SLC20A2: variants seen among roughly 807,000 people sequenced by gnomAD.
SLC20A2 encodes the protein solute carrier family 20 member 2.
SLC20A2 carries 30 observed loss-of-function variants against 61.0 expected under a neutral mutation model. The ratio of observed to expected loss-of-function variants is 0.49; its 90% CI spans 0.37 to 0.67. The LOEUF (loss-of-function observed/expected upper bound fraction) is 0.67. Ranked by LOEUF, SLC20A2 falls within the 30% of genes least tolerant of loss-of-function variation. The pLI, the probability that SLC20A2 is intolerant of heterozygous loss-of-function variation, is 0.00. For synonymous variants in SLC20A2, 351 were observed against 353.3 expected (o/e 0.99, Z 0.07); for missense variants, 626 against 866.4 (o/e 0.72, Z 3.48).
intron 8 of SLC20A2, among the ~76,000 whole-genome samples, chr8:42,435,089 G>A (rs1804149859): frequency 6.6e-6 from 1 of 152,206 alleles, no homozygotes; most frequent in African/African-American, 2.4e-5. Flanking sequence ...GCTTGATGAG[G>A]AGGAGGAAGT....
chr8:42,446,730 C>T (rs906675127), intron 5 of SLC20A2, among the ~76,000 whole-genome samples: 3 of 152,074 alleles, frequency 2.0e-5, no homozygotes, highest in African/African-American at 7.2e-5. Flanking sequence ...ACAGTGGTTT[C>T]CAATTTCTTT....
chr8:42,422,218 A>G (rs1489361440), intron 10 of SLC20A2, among the ~76,000 whole-genome samples: 1 of 152,072 alleles, frequency 6.6e-6, no homozygotes, highest in East Asian at 1.9e-4. Context: ...ACACTTGCCT[A>G]ATTTTTATAT....
At chr8:42,541,045 ATATGAAAAGGGACTC>A (rs1451770833) in intron 1 of SLC20A2, 1 of 152,228 alleles carries the variant, frequency 6.6e-6, no homozygotes, top group African/African-American at 2.4e-5. Context: ...GTACACGTGA[ATATGAAAAGGGACTC>A]TATGCTCTCA....
chr8:42,503,837 T>C (rs1810469562), upstream of SLC20A2, among the ~76,000 whole-genome samples: 2 of 152,234 alleles, frequency 1.3e-5, no homozygotes, highest in South Asian at 4.1e-4. Context: ...TTTCTGGGCA[T>C]GTGCACACTT....
intron 2 of SLC20A2, 30 bp from the exon 3 acceptor site, chr8:42,465,947 A>G: frequency 6.2e-7 from 1 of 1,601,302 alleles, no homozygotes; most frequent in Non-Finnish European, 8.5e-7. Flanking sequence ...AAACCATCAG[A>G]TACAGAGTAC....
chr8:42,526,973 C>T (rs1161586562), intron 1 of SLC20A2, among the ~76,000 whole-genome samples: 1 of 151,604 alleles, frequency 6.6e-6, no homozygotes, highest in African/African-American at 2.4e-5. Context: ...TGCATGGTGG[C>T]GTGCGCCTAT....
rs1260389563 is a variant in SLC20A2 at position 42,521,640 on chromosome 8, C to T, written c.-265+20181G>A. Among the ~76,000 whole-genome samples, 4 of 120,338 alleles carry T rather than the reference C, an allele frequency of 3.3e-5. 1 individual carries two copies. Among genetic ancestry groups the T allele is most frequent in the African/African-American group, 1.0e-4 (4 of 39,312 alleles). 78.9% of individuals were successfully genotyped at this position (120,338 alleles called of 152,430 possible). Reference sequence around the variant, plus strand: ...GAGTAGCTGGGACTACAGATGCATGCCATCACACCTGGCTGATTTTTGTAC... The same window carrying T: ...GAGTAGCTGGGACTACAGATGCATGTCATCACACCTGGCTGATTTTTGTAC... On this transcript the variant is annotated intron_variant, in intron 1 of 10. Coordinates refer to the SLC20A2 transcript ENST00000342228.
chr8:42,443,374 G>A (rs1420964728), intron 6 of SLC20A2, among the ~76,000 whole-genome samples: 2 of 146,682 alleles, frequency 1.4e-5, no homozygotes, highest in Non-Finnish European at 3.0e-5. Context: ...GAGTGCAGTG[G>A]CACGATCTTG....
intron 5 of SLC20A2, among the ~76,000 whole-genome samples, chr8:42,449,782 C>T (rs1040780247): frequency 3.9e-5 from 6 of 152,228 alleles, no homozygotes; most frequent in Non-Finnish European, 5.9e-5. Flanking sequence ...CCCAGGGAGA[C>T]AGTAAGAACT....
chr8:42,516,123 A>G (rs1811309194), intron 1 of SLC20A2, among the ~76,000 whole-genome samples: 1 of 152,224 alleles, frequency 6.6e-6, no homozygotes, highest in Admixed American at 6.5e-5. Context: ...TCTCTAAAGT[A>G]ACCAAAATGA....
rs917579338 is a variant in SLC20A2 at position 42,499,141 on chromosome 8, G to A, written c.-265+1890C>T. On this transcript the variant is annotated intron_variant, in intron 1 of 10. Transcript: ENST00000520262. ...AGACGTGCGGTCACCTGCGGCGTGG[G>A]AACAGCAGGGCAAGGGCAGGCGGGC... Among the ~76,000 whole-genome samples the A allele has an allele frequency of 2.6e-5, 4 of 152,160 alleles. No individual in the cohort carries two copies. The South Asian group carries it at 8.3e-4, about 32-fold the overall frequency.
At chr8:42,456,990 C>G (rs986044078) in intron 5 of SLC20A2, among the ~76,000 whole-genome samples, 1 of 151,996 alleles carries the variant, frequency 6.6e-6, no homozygotes, top group African/African-American at 2.4e-5. Context: ...GTGGCGGGAT[C>G]TCGGCTCACT....
chr8:42,535,031 A>T (rs538595190), intron 1 of SLC20A2: 1 of 152,238 alleles, frequency 6.6e-6, no homozygotes, highest in Non-Finnish European at 1.5e-5. Flanking sequence ...CCTGTCACTC[A>T]TATTTTCAGA....
intron 10 of SLC20A2, among the ~76,000 whole-genome samples, chr8:42,426,350 A>G (rs1361197408): frequency 6.6e-6 from 1 of 152,230 alleles, no homozygotes; most frequent in Non-Finnish European, 1.5e-5. Flanking sequence ...CTGCTCATAC[A>G]GTTAGCTAAG....
At chr8:42,495,175 C>T (rs1246528881) in intron 1 of SLC20A2, among the ~76,000 whole-genome samples, 1 of 152,120 alleles carries the variant, frequency 6.6e-6, no homozygotes, top group Non-Finnish European at 1.5e-5. Context: ...TTTTTAATGA[C>T]ACATTTGTGA....
At chr8:42,452,065 AG>A (rs1168546964) in intron 5 of SLC20A2, among the ~76,000 whole-genome samples, 9 of 119,804 alleles carry the variant, frequency 7.5e-5, no homozygotes, top group African/African-American at 3.0e-4. Context: ...GATGAAGAGG[AG>A]GGGGAGGAAG....
chr8:42,429,013 A>G (rs1170360060), intron 9 of SLC20A2, among the ~76,000 whole-genome samples, 171 bp from the exon 10 acceptor site: 1 of 152,122 alleles, frequency 6.6e-6, no homozygotes, highest in Non-Finnish European at 1.5e-5. Flanking sequence ...AGCAATTCCC[A>G]CCAAGGCTGC....
intron 1 of SLC20A2, among the ~76,000 whole-genome samples, chr8:42,483,386 T>A (rs1026936119): frequency 2.6e-5 from 4 of 151,208 alleles, no homozygotes; most frequent in Admixed American, 2.0e-4. Flanking sequence ...ACAAACAAAC[T>A]AATTAACTGT....
intron 5 of SLC20A2, among the ~76,000 whole-genome samples, chr8:42,453,456 T>C (rs1805901366): frequency 6.6e-6 from 1 of 152,004 alleles, no homozygotes; most frequent in African/African-American, 2.4e-5. Context: ...AATAATCAAC[T>C]TCACAATAAT....
Sources: gnomAD v4.1 joint callset for allele counts (sites outside exome capture counted in the v4.1 genomes callset) on GRCh38, gnomAD v4.1.1 for gene constraint, MANE v1.5 for transcripts, NCBI Gene and HGNC (gene_info 2026-07-23, HGNC 2026-07-21) for gene names.